Variants in BRSK2 observed in about 807,000 individuals in gnomAD.
The protein encoded by BRSK2 is serine/threonine-protein kinase BRSK2.
BRSK2 carries 19 observed loss-of-function variants against 83.3 expected under a neutral mutation model. The observed-to-expected ratio is 0.23, with a 90% confidence interval of 0.16 to 0.33. BRSK2 has a LOEUF of 0.33. Ranked by LOEUF, BRSK2 falls within the 10% of genes least tolerant of loss-of-function variation. BRSK2 has a pLI of 1.00. For missense variants in BRSK2, 798 were observed against 1,042.3 expected (o/e 0.77, Z 3.23); for synonymous variants, 519 against 435.4 (o/e 1.19, Z -2.39).
Position 1,445,324 on chromosome 11 carries a change from G to C in BRSK2, c.843G>C (p.Gln281His), listed in dbSNP as rs1325248763. 1 of 1,611,314 alleles carries C rather than the reference G, an allele frequency of 6.2e-7. No homozygotes were observed. Among genetic ancestry groups the C allele is most frequent in the Non-Finnish European group, 8.5e-7 (1 of 1,179,222 alleles). The change falls in exon 10 of 20, where the codon CAG becomes CAC. Residue 281 changes from glutamine to histidine, a missense_variant. Around this residue, in one of 6 missense-constraint regions of BRSK2, gnomAD observed 145 missense variants for 225.4 expected, o/e 0.64. Transcript: ENST00000528841. ...GCAAGAATGAGCCCGAACCAGAGCA[G>C]CCCATTCCTCGCAAGGTGCAGATCC... is the stretch of plus-strand genomic sequence containing the variant. Reference protein sequence around the residue: ...IGGKNEPEPEQPIPRKVQIRS... With the variant: ...IGGKNEPEPEHPIPRKVQIRS...
Position 1,460,980 on chromosome 11 carries a change from G to T in BRSK2, c.*257G>T. ...CCACTCTGATACCAGGAATTATCCC[G>T]AAAAGTTAACATGTCACCTCCACGA... On this transcript the variant is annotated 3_prime_UTR_variant, in exon 20 of 20. Coordinates refer to ENST00000528841, the MANE Select transcript of BRSK2 (RefSeq NM_001256627.2). 6.2e-7 allele frequency: 1 copy of T among 1,612,380 alleles called. No individual in the cohort carries two copies. Among genetic ancestry groups the T allele is most frequent in the Non-Finnish European group, 8.5e-7 (1 of 1,179,392 alleles).
At chr11:1,418,958 A>G (rs1485572650) in intron 1 of BRSK2, among the ~76,000 whole-genome samples, 1 of 152,206 alleles carries the variant, frequency 6.6e-6, no homozygotes, top group African/African-American at 2.4e-5. Context: ...GCCTGTCACT[A>G]ATAGAAGCTC....
rs1456392822 is a variant in BRSK2, at chr11:1,460,711, C to T, written c.2199C>T (p.Arg733=). The change falls in exon 20 of 20, where the codon CGC becomes CGT. Residue 733 remains arginine (R), a synonymous_variant. Transcript: ENST00000528841. The stretch of plus-strand genomic sequence containing the variant: ...AGATGGGCCCGCCCACCGCCCGCCG[C>T]GAGCAGCCTTAGACACACTAGCCCC... ...TAKMGPPTAR[R]EQP is the part of the protein sequence containing the mutation. 5 of 1,456,624 alleles carry T rather than the reference C, an allele frequency of 3.4e-6. No individual in the cohort carries two copies. Among genetic ancestry groups the T allele is most frequent in the African/African-American group, 1.5e-5 (1 of 66,848 alleles). The allele number at this position is 1,456,624 out of a possible 1,614,324, so 90.2% of individuals were successfully genotyped here.
At chr11:1,443,828 C>T (rs1400753758) in intron 8 of BRSK2, among the ~76,000 whole-genome samples, 193 bp downstream of exon 8, 1 of 150,938 alleles carries the variant, frequency 6.6e-6, no homozygotes, top group Non-Finnish European at 1.5e-5. Context: ...GGGCCCATGG[C>T]CGTGTGTGGG....
At chr11:1,433,731 G>A (rs917882286) in intron 1 of BRSK2, among the ~76,000 whole-genome samples, 8 of 152,246 alleles carry the variant, frequency 5.3e-5, no homozygotes, top group African/African-American at 1.9e-4. Context: ...TGCTCCTCCG[G>A]CTGAGCGAAT....
At chr11:1,400,409 TC>T (rs1403637132) in intron 1 of BRSK2, among the ~76,000 whole-genome samples, 1 of 152,148 alleles carries the variant, frequency 6.6e-6, no homozygotes, top group Non-Finnish European at 1.5e-5. Flanking sequence ...GGCCTCCTCT[TC>T]CATAACCCCT....
Position 1,390,147 on chromosome 11 carries a change from G to T in BRSK2, c.-138G>T. 1 of 226,808 alleles carries T rather than the reference G, an allele frequency of 4.4e-6. No homozygotes were observed. The highest frequency in any genetic ancestry group is 1.4e-4 in the South Asian group (1 of 6,910). The allele number at this position is 226,808 out of a possible 1,614,324, so 14.0% of individuals were successfully genotyped here. On this transcript the variant is annotated 5_prime_UTR_variant, in exon 1 of 20. Transcript: ENST00000528841. This position sits in a 1 kb window ranked among gnomAD's most constrained non-coding sequence, Gnocchi z 6.8. ...GGCGGCGGCGCGGGCGGACGCGGGCGGCGCGAAGCAGCGGGGCCCGCGGGG... is the reference window on the plus strand; with the variant it reads ...GGCGGCGGCGCGGGCGGACGCGGGCTGCGCGAAGCAGCGGGGCCCGCGGGG...
rs1425650129 is a variant in BRSK2, at chr11:1,454,841, G to C, written c.1668+233G>C. The stretch of plus-strand genomic sequence containing the variant: ...GTGCTTGGCCTGCGGAGGGAGTCAG[G>C]GCTTTGCTCACTGGTCCCCAGCAGC... On this transcript the variant is annotated intron_variant, in intron 16 of 19. Transcript: ENST00000528841. The surrounding 1 kb of genome is among the most constrained non-coding windows in gnomAD (Gnocchi z 5.2). Among the ~76,000 whole-genome samples the C allele has an allele frequency of 1.3e-5, 2 of 152,224 alleles. No homozygotes were observed. The highest frequency in any genetic ancestry group is 2.9e-5 in the Non-Finnish European group (2 of 68,022).
chr11:1,397,906 A>G (rs968630694), intron 1 of BRSK2, among the ~76,000 whole-genome samples: 1 of 152,052 alleles, frequency 6.6e-6, no homozygotes, highest in African/African-American at 2.4e-5. Context: ...GGGGGTGCCC[A>G]GGGCATTCAC....
At chr11:1,443,707 T>C (rs1047335217) in intron 8 of BRSK2, 72 bp downstream of exon 8, 20 of 1,372,136 alleles carry the variant, frequency 1.5e-5, no homozygotes, top group Non-Finnish European at 1.7e-5. Flanking sequence ...TGCCTGTGTG[T>C]GCACAGGTGT....
chr11:1,435,112 G>A (rs1850108013), intron 1 of BRSK2, among the ~76,000 whole-genome samples: 1 of 151,368 alleles, frequency 6.6e-6, no homozygotes, highest in Admixed American at 6.6e-5. Flanking sequence ...GGCCGTGGAG[G>A]TCTAGGGCAG....
intron 1 of BRSK2, among the ~76,000 whole-genome samples, chr11:1,429,351 C>T (rs1487909914): frequency 6.9e-6 from 1 of 145,590 alleles, no homozygotes; most frequent in African/African-American, 2.7e-5. Flanking sequence ...GGTGCATGTG[C>T]ACTCGGTGTG....
At position 1,445,727 on chromosome 11, in the gene BRSK2, CT is replaced by C. The variant is rs1851959024; in HGVS notation, c.1076-29del. The C allele has an allele frequency of 3.7e-6, 6 of 1,610,856 alleles. No homozygotes were observed. The East Asian group carries it at 1.3e-4, about 36-fold the overall frequency. ...GCACTGCCCCACCGGGGTCCGGGGG[CT>C]GTCTGGCCTGACCTTCGTCTGTACT... On this transcript the variant is annotated intron_variant, in intron 11 of 19. Coordinates refer to ENST00000528841, the MANE Select transcript of BRSK2 (RefSeq NM_001256627.2).
intron 1 of BRSK2, chr11:1,409,847 G>T (rs1412611826): frequency 6.6e-6 from 1 of 152,172 alleles, no homozygotes; most frequent in Non-Finnish European, 1.5e-5. Flanking sequence ...AGAGGGAAGA[G>T]CCCTGCGTGC....
intron 1 of BRSK2, among the ~76,000 whole-genome samples, chr11:1,424,645 G>A (rs1038676370): frequency 6.6e-6 from 1 of 152,198 alleles, no homozygotes; most frequent in African/African-American, 2.4e-5. Flanking sequence ...TCTGCATCCA[G>A]CCAACAGGCC....
chr11:1,449,771 T>G lies in BRSK2; in HGVS notation c.1227-5T>G. On this transcript the variant is annotated splice_region_variant and splice_polypyrimidine_tract_variant and intron_variant, in intron 12 of 19. Transcript: ENST00000528841. ...AGCAGTGGCCCTGTACCTTGTGACC[T>G]CCAGGTCTCGGTCCATCAGCGGTGC... 3 of 1,611,650 alleles carry G rather than the reference T, an allele frequency of 1.9e-6. No individual in the cohort carries two copies. In the South Asian group the frequency reaches 3.3e-5, roughly 18 times the overall value.
At chr11:1,442,338 C>T (rs1338296124) in intron 4 of BRSK2, 152 bp from the exon 5 acceptor site, 2 of 596,870 alleles carry the variant, frequency 3.4e-6, no homozygotes, top group African/African-American at 1.8e-5. Context: ...TTCTGATTGG[C>T]TGCCTATGAC....
At chr11:1,453,349 A>T (rs1051629561) in intron 15 of BRSK2, among the ~76,000 whole-genome samples, 2 of 151,700 alleles carry the variant, frequency 1.3e-5, no homozygotes. Flanking sequence ...GCCGCAAAGC[A>T]GAGAGTCACG....
chr11:1,446,245 C>T (rs550322634), intron 12 of BRSK2, among the ~76,000 whole-genome samples: 73 of 100,148 alleles, frequency 7.3e-4, no homozygotes, highest in African/African-American at 2.5e-3. Flanking sequence ...CTGGACTGCG[C>T]GGCTGAGCAG....
Sources: gnomAD v4.1 joint callset for allele counts (sites outside exome capture counted in the v4.1 genomes callset) on GRCh38, gnomAD v4.1.1 for gene constraint, gnomAD v4.1.1 regional missense constraint, Gnocchi (gnomAD v3.1) non-coding constraint, MANE v1.5 for transcripts, NCBI Gene and HGNC (gene_info 2026-07-23, HGNC 2026-07-21) for gene names.